Variants in CEACAM7 observed in about 807,000 individuals in gnomAD.
The protein encoded by CEACAM7 is CEA cell adhesion molecule 7.
CEACAM7 carries 24 observed loss-of-function variants against 25.7 expected under a neutral mutation model. The ratio of observed to expected loss-of-function variants is 0.93; its 90% confidence interval spans 0.68 to 1.31. The LOEUF (loss-of-function observed/expected upper bound fraction) is 1.31, where lower values mean the gene tolerates loss of function less well. Ranked by LOEUF, CEACAM7 falls within the 40% of genes most tolerant of loss-of-function variation. CEACAM7 has a pLI of 0.00. For missense variants in CEACAM7, 324 were observed against 330.1 expected (o/e 0.98, Z 0.14); for synonymous variants, 144 against 129.4 (o/e 1.11, Z -0.77).
At chr19:41,686,778 G>A in intron 2 of CEACAM7, 81 bp downstream of exon 2, 2 of 1,435,250 alleles carry the variant, frequency 1.4e-6, no homozygotes, top group Admixed American at 4.6e-5. Flanking sequence ...GGGGACACAG[G>A]CACAACCCAG....
Position 41,684,058 on chromosome 19 carries a change from G to C in CEACAM7, c.433C>G (p.Pro145Ala), listed in dbSNP as rs200196586. The change falls in exon 3 of 5, where the codon CCA becomes GCA. Residue 145 changes from proline (P) to alanine (A), a missense_variant. Coordinates refer to ENST00000401731, the MANE Select transcript of CEACAM7 (RefSeq NM_001291485.2). ...TTGCTGGTGATGGAGGGCTTGGGTG[G>C]CTCCGCTGTGCAGATAAGAGAGAGA... is the stretch of plus-strand genomic sequence containing the variant. ...VTRQFYVFSE[P>A]PKPSITSNNF... 19 of 1,613,778 alleles carry C rather than the reference G, an allele frequency of 1.2e-5. No individual in the cohort carries two copies. The African/African-American group carries it at 2.5e-4, about 22-fold the overall frequency.
chr19:41,688,025 GC>G, intron 1 of CEACAM7, 76 bp downstream of exon 1: 1 of 1,337,104 alleles, frequency 7.5e-7, no homozygotes, highest in Non-Finnish European at 1.0e-6. Flanking sequence ...CCCTCTCAGA[GC>G]CCCGTCCTCC....
chr19:41,680,157 A>G (rs1238007180), intron 3 of CEACAM7, among the ~76,000 whole-genome samples: 2 of 151,488 alleles, frequency 1.3e-5, no homozygotes, highest in African/African-American at 4.9e-5. Context: ...ACAATGAACA[A>G]TCTGAAAAGA....
chr19:41,686,767 TG>T, intron 2 of CEACAM7, 91 bp downstream of exon 2: 1 of 1,366,074 alleles, frequency 7.3e-7, no homozygotes, highest in Non-Finnish European at 9.9e-7. Context: ...AAAATGTAGA[TG>T]GGGACACAGG....
intron 4 of CEACAM7, among the ~76,000 whole-genome samples, chr19:41,676,369 T>C (rs1022298267): frequency 2.0e-5 from 3 of 152,250 alleles, no homozygotes; most frequent in Non-Finnish European, 4.4e-5. Flanking sequence ...TTTTCATGTC[T>C]TATTTTTTGG....
At chr19:41,678,956 G>A (rs2072145060) in intron 3 of CEACAM7, among the ~76,000 whole-genome samples, 1 of 152,116 alleles carries the variant, frequency 6.6e-6, no homozygotes, top group Admixed American at 6.6e-5. Flanking sequence ...CAACAACCTG[G>A]CTTTACAACT....
At chr19:41,686,279 G>T (rs1469390377) in intron 2 of CEACAM7, among the ~76,000 whole-genome samples, 1 of 152,168 alleles carries the variant, frequency 6.6e-6, no homozygotes, top group East Asian at 1.9e-4. Context: ...TCCTCTCCAG[G>T]CTGAGTCTCA....
chr19:41,688,130 G>A lies in CEACAM7; in HGVS notation c.36C>T (p.Cys12=). The A allele has an allele frequency of 6.2e-7, 1 of 1,611,520 alleles. No individual in the cohort carries two copies. ...GSPSACPYRV[C]IPWQGLLLTA... ...TGAGCAGGAGCCCCTGCCAGGGAAT[G>A]CACACTCTGTATGGACAGGCTGAAG... Residue 12 remains cysteine, a synonymous_variant, in exon 1 of 5, where the codon TGC becomes TGT. Coordinates refer to ENST00000401731, the MANE Select transcript of CEACAM7 (RefSeq NM_001291485.2).
In CEACAM7 at chr19:41,686,961, G is replaced by T; in HGVS notation, c.325C>A (p.Leu109Met). ...RETIYPNGTL[L>M]IQNVTHNDAG... The stretch of plus-strand genomic sequence containing the variant: ...TCATTGTGGGTGACGTTCTGGATCA[G>T]CAGGGTTCCATTGGGGTATATTGTC... Residue 109 changes from leucine (L) to methionine (M), a missense_variant, in exon 2 of 5, where the codon CTG becomes ATG. Physicochemically the swap from Leu to Met is conservative, Grantham distance 15. Transcript: ENST00000401731. The T allele has an allele frequency of 6.2e-7, 1 of 1,610,440 alleles. No individual in the cohort carries two copies. Among genetic ancestry groups the T allele is most frequent in the Non-Finnish European group, 8.5e-7 (1 of 1,178,326 alleles).
intron 3 of CEACAM7, among the ~76,000 whole-genome samples, chr19:41,678,103 GCTCCTCCCC>G (rs2072134351): frequency 6.6e-6 from 1 of 151,902 alleles, no homozygotes; most frequent in East Asian, 1.9e-4. Context: ...GCTCTCCCAG[GCTCCTCCCC>G]CTCCCAGCCC....
Position 41,688,213 on chromosome 19 carries a change from G to A in CEACAM7, c.-48C>T, listed in dbSNP as rs1555811448. ...TCTGTGGAGAAGAGCTTGGGCTCCA[G>A]GAACTCTCTTGTCAGGGCTGCTGTG... On this transcript the variant is annotated 5_prime_UTR_variant, in exon 1 of 5. Transcript: ENST00000401731. 1 of 1,595,142 alleles carries A rather than the reference G, an allele frequency of 6.3e-7. No individual in the cohort carries two copies. Among genetic ancestry groups the A allele is most frequent in the Admixed American group, 1.7e-5 (1 of 57,586 alleles).
chr19:41,686,930 C>G lies in CEACAM7; in HGVS notation c.356G>C (p.Gly119Ala). 6.3e-7 allele frequency: 1 copy of G among 1,595,522 alleles called. No individual in the cohort carries two copies. The change falls in exon 2 of 5, where the codon GGA (glycine) becomes GCA (alanine). Residue 119 changes from glycine to alanine, a missense_variant. Gly to Ala is a moderately conservative substitution (Grantham distance 60). Coordinates refer to ENST00000401731, the MANE Select transcript of CEACAM7 (RefSeq NM_001291485.2). The part of the protein sequence containing the change: ...LIQNVTHNDA[G>A]IYTLHVIKEN... ...TTTTATAACGTGTAGGGTATAGATT[C>G]CTGCGTCATTGTGGGTGACGTTCTG...
intron 2 of CEACAM7, 139 bp downstream of exon 2, chr19:41,686,720 G>T: frequency 2.3e-6 from 2 of 885,804 alleles, no homozygotes; most frequent in East Asian, 2.5e-5. Context: ...TCCCCCATGT[G>T]TGTCCTTCAC....
chr19:41,680,875 C>T (rs1555810618), intron 3 of CEACAM7, among the ~76,000 whole-genome samples: 1 of 151,688 alleles, frequency 6.6e-6, no homozygotes, highest in African/African-American at 2.4e-5. Flanking sequence ...GATTTCTTGG[C>T]TATGACACCC....
chr19:41,687,184 G>T lies in CEACAM7; in HGVS notation c.102C>A (p.Ala34=), dbSNP rs782099614. ...LLTFWNLPNS[A]QTNIDVVPFN... ...ACGGCACGACATCAATATTGGTCTG[G>T]GCACTGTTTGGCAGGTTCCAGAAGG... Residue 34 remains alanine, a synonymous_variant, in exon 2 of 5, where the codon GCC becomes GCA. Transcript: ENST00000401731. The T allele has an allele frequency of 6.8e-6, 11 of 1,611,004 alleles. No individual in the cohort carries two copies. The Admixed American group carries it at 1.0e-4, about 15-fold the overall frequency.
intron 2 of CEACAM7, among the ~76,000 whole-genome samples, chr19:41,684,657 A>G (rs546369092): frequency 1.8e-4 from 27 of 152,308 alleles, no homozygotes; most frequent in African/African-American, 4.8e-4. Context: ...GACCGCCAGG[A>G]AAGTGCAGCA....
chr19:41,675,841 A>G (rs1004825468), intron 4 of CEACAM7, among the ~76,000 whole-genome samples: 2 of 152,244 alleles, frequency 1.3e-5, no homozygotes, highest in African/African-American at 4.8e-5. Context: ...TAGAAATCTC[A>G]TATAATTTTT....
At chr19:41,679,210 T>C (rs925156269) in intron 3 of CEACAM7, among the ~76,000 whole-genome samples, 2 of 152,226 alleles carry the variant, frequency 1.3e-5, no homozygotes, top group African/African-American at 4.8e-5. Flanking sequence ...GTAAGTGTTA[T>C]GAGTATTATG....
chr19:41,686,738 C>G (rs2072228873), intron 2 of CEACAM7, 121 bp downstream of exon 2: 1 of 1,158,356 alleles, frequency 8.6e-7, no homozygotes, highest in Non-Finnish European at 1.2e-6. Flanking sequence ...CACTAAATGC[C>G]CAAACTCCAA....
Sources: gnomAD v4.1 joint callset for allele counts (sites outside exome capture counted in the v4.1 genomes callset) on GRCh38, gnomAD v4.1.1 for gene constraint, MANE v1.5 for transcripts, NCBI Gene and HGNC (gene_info 2026-07-23, HGNC 2026-07-21) for gene names.